HPSE: variants seen among roughly 807,000 people sequenced by gnomAD.
HPSE encodes endo-glucoronidase.
A neutral mutation model predicts 65.1 loss-of-function variants in HPSE; 48 were observed. The ratio of observed to expected loss-of-function variants is 0.74; its 90% CI spans 0.58 to 0.94. The LOEUF (loss-of-function observed/expected upper bound fraction) is 0.94. Among genes scored for constraint, HPSE ranks in the 40% least tolerant of loss-of-function variants. The probability of loss-of-function intolerance (pLI) is 0.00; values close to 1 mark genes in which losing one functional copy is unlikely to be tolerated. For synonymous variants in HPSE, 243 were observed against 260.0 expected, an observed-to-expected ratio of 0.93 and a Z score of 0.63; for missense variants, 644 against 637.5, an observed-to-expected ratio of 1.01 and a Z score of -0.11.
chr4:83,308,796 T>C (rs1211089230), intron 8 of HPSE, 49 bp downstream of exon 8: 6 of 1,365,952 alleles, frequency 4.4e-6, no homozygotes, highest in Admixed American at 1.7e-5. Context: ...AATAGAAGGA[T>C]GGAGAAGAGC....
chr4:83,325,577 C>G (rs564064688), intron 1 of HPSE, among the ~76,000 whole-genome samples: 1 of 152,298 alleles, frequency 6.6e-6, no homozygotes, highest in Admixed American at 6.5e-5. Context: ...AGGCATTATG[C>G]TAGTTGCTGG....
chr4:83,320,264 A>C (rs1327086735), intron 2 of HPSE, among the ~76,000 whole-genome samples: 1 of 152,078 alleles, frequency 6.6e-6, no homozygotes. Flanking sequence ...CAACATGTGC[A>C]CTTGAAAAAA....
intron 2 of HPSE, among the ~76,000 whole-genome samples, chr4:83,321,843 A>T (rs911154102): frequency 2.6e-5 from 4 of 152,088 alleles, no homozygotes; most frequent in African/African-American, 7.2e-5. Context: ...CCTTCAATCT[A>T]TCATTGTGTC....
Position 83,310,153 on chromosome 4 carries a change from C to T in HPSE, c.843-75G>A, listed in dbSNP as rs1409664269. Reference sequence around the variant, plus strand: ...ACAATATACGCATGAGAGTTTTATTCCCTAGAAATGGGCTGGTTACTGCTT... The same window carrying T: ...ACAATATACGCATGAGAGTTTTATTTCCTAGAAATGGGCTGGTTACTGCTT... On this transcript the variant is annotated intron_variant, in intron 5 of 11. Transcript: ENST00000311412. The T allele has an allele frequency of 3.1e-6, 3 of 980,202 alleles. No homozygotes were observed. The East Asian group carries it at 7.5e-5, about 25-fold the overall frequency. 60.7% of individuals were successfully genotyped at this position (980,202 alleles called of 1,614,324 possible). A position where few individuals can be genotyped will look rare whatever the true frequency, so the allele number is the denominator to read the frequency against.
rs368100062 is a variant in HPSE, at chr4:83,302,282, T to C, written c.1207-14A>G. On this transcript the variant is annotated splice_polypyrimidine_tract_variant and intron_variant, in intron 9 of 11. Coordinates refer to ENST00000311412, the MANE Select transcript of HPSE (RefSeq NM_001098540.3). ...TAGCCAATAATCCTAGTTGTGGTGG[T>C]TGGGGAGAAAGAGACAAAAATAGAT... is the stretch of plus-strand genomic sequence containing the variant. The C allele has an allele frequency of 7.0e-6, 11 of 1,564,994 alleles. No individual in the cohort carries two copies. Among genetic ancestry groups the C allele is most frequent in the Admixed American group, 1.7e-5 (1 of 59,168 alleles).
chr4:83,298,588 T>C (rs1196698377), intron 11 of HPSE, among the ~76,000 whole-genome samples: 2 of 152,112 alleles, frequency 1.3e-5, no homozygotes, highest in Admixed American at 1.3e-4. Flanking sequence ...TCCCAGCACT[T>C]TGGGAGGCTG....
chr4:83,334,668 C>G lies in HPSE; in HGVS notation c.115G>C (p.Val39Leu). The G allele has an allele frequency of 1.3e-6, 2 of 1,577,584 alleles. No individual in the cohort carries two copies. Among genetic ancestry groups the G allele is most frequent in the South Asian group, 2.3e-5 (2 of 86,074 alleles). The change falls in exon 1 of 12, where the codon GTG (valine) becomes CTG (leucine). Residue 39 changes from valine (V) to leucine (L), a missense_variant. Transcript: ENST00000311412. Reference sequence around the variant, plus strand: ...TCCTGGGTGAAGAAGTCCAGGTCCACGACGTCCTGTGCTTGCGCAGGTCGG... The same window carrying G: ...TCCTGGGTGAAGAAGTCCAGGTCCAGGACGTCCTGTGCTTGCGCAGGTCGG... ...LPRPAQAQDV[V>L]DLDFFTQEPL...
intron 5 of HPSE, among the ~76,000 whole-genome samples, chr4:83,310,409 G>C (rs1736321781): frequency 6.6e-6 from 1 of 150,912 alleles, no homozygotes; most frequent in African/African-American, 2.4e-5. Flanking sequence ...GCTCATGCCT[G>C]TAATCCTGGC....
At chr4:83,296,134 T>C (rs1371341690) in intron 11 of HPSE, among the ~76,000 whole-genome samples, 1 of 152,220 alleles carries the variant, frequency 6.6e-6, no homozygotes, top group Non-Finnish European at 1.5e-5. Flanking sequence ...GGAATTCAAA[T>C]TAAAAACTGT....
intron 1 of HPSE, among the ~76,000 whole-genome samples, chr4:83,323,458 T>C (rs1270255019): frequency 1.3e-5 from 2 of 151,906 alleles, no homozygotes; most frequent in Admixed American, 6.6e-5. Context: ...TTGCATTCAA[T>C]TTTGCTGTGA....
At chr4:83,316,234 C>T (rs1447610028) in intron 3 of HPSE, among the ~76,000 whole-genome samples, 2 of 151,838 alleles carry the variant, frequency 1.3e-5, no homozygotes, top group East Asian at 3.9e-4. Context: ...ACTGTGTTGG[C>T]CAGGCTAGTC....
At chr4:83,317,479 A>G in intron 3 of HPSE, among the ~76,000 whole-genome samples, 1 of 152,212 alleles carries the variant, frequency 6.6e-6, no homozygotes, top group East Asian at 1.9e-4. Context: ...ATGTTTACAA[A>G]TGCAAATAAA....
intron 1 of HPSE, among the ~76,000 whole-genome samples, chr4:83,323,504 AACAC>A (rs60575393): frequency 0.8 from 119,582 of 149,994 alleles, 48,532 homozygotes; most frequent in East Asian, 0.98. Flanking sequence ...GTCTATTTAA[AACAC>A]ACACACACAC....
At chr4:83,311,605 A>G (rs1736376704) in intron 4 of HPSE, among the ~76,000 whole-genome samples, 1 of 152,076 alleles carries the variant, frequency 6.6e-6, no homozygotes, top group African/African-American at 2.4e-5. Context: ...GGAGATCGAG[A>G]CAAGCCTGGG....
chr4:83,295,911 G>C (rs1465658349), intron 11 of HPSE, among the ~76,000 whole-genome samples: 1 of 152,160 alleles, frequency 6.6e-6, no homozygotes. Context: ...ATATAGAATT[G>C]AATGCAGTTT....
chr4:83,302,313 C>T (rs368619715), intron 9 of HPSE, 45 bp from the exon 10 acceptor site: 14 of 1,152,454 alleles, frequency 1.2e-5, no homozygotes, highest in Admixed American at 1.8e-5. Context: ...TAGATGTTTA[C>T]TTATGTCCTT....
chr4:83,331,752 G>C (rs1737381908), intron 1 of HPSE, among the ~76,000 whole-genome samples: 1 of 152,140 alleles, frequency 6.6e-6, no homozygotes. Flanking sequence ...ATGAAGGTTT[G>C]GGCCCTGATA....
At chr4:83,312,841 CAAAAAAAA>C (rs1200808673) in intron 4 of HPSE, among the ~76,000 whole-genome samples, 31 of 10,988 alleles carry the variant, frequency 2.8e-3, no homozygotes, top group African/African-American at 0.014. Flanking sequence ...ACTAAAAATG[CAAAAAAAA>C]AAAAAAAAAA....
intron 1 of HPSE, among the ~76,000 whole-genome samples, chr4:83,333,851 A>G (rs1233050975): frequency 6.6e-6 from 1 of 151,988 alleles, no homozygotes; most frequent in Non-Finnish European, 1.5e-5. Flanking sequence ...GCCTAAAAAA[A>G]AAAAAAGAAA....
Sources: allele counts gnomAD v4.1 joint callset (sites outside exome capture counted in the v4.1 genomes callset), GRCh38; gene constraint gnomAD v4.1.1; transcripts MANE v1.5; gene names NCBI Gene and HGNC (gene_info 2026-07-23, HGNC 2026-07-21).